Variants in ZC3H13 observed in about 807,000 individuals in gnomAD.
ZC3H13 encodes zinc finger CCCH domain-containing protein 13.
A neutral mutation model predicts 204.1 loss-of-function variants in ZC3H13; 64 were observed. That is an observed-to-expected ratio of 0.31 (90% CI 0.26 to 0.39). ZC3H13 has a LOEUF of 0.39. Ranked by LOEUF, ZC3H13 falls within the 10% of genes least tolerant of loss-of-function variation. ZC3H13 has a pLI of 1.00. For missense variants in ZC3H13, 1,833 were observed against 2,082.7 expected (o/e 0.88, Z 2.33); for synonymous variants, 667 against 693.7 (o/e 0.96, Z 0.60).
intron 8 of ZC3H13, among the ~76,000 whole-genome samples, chr13:45,999,463 A>G (rs1194134962): frequency 6.6e-6 from 1 of 152,216 alleles, no homozygotes; most frequent in Non-Finnish European, 1.5e-5. Context: ...TCAAGAAACC[A>G]CTTTCTTTGT....
At chr13:45,960,694 C>A (rs1430362245) in intron 17 of ZC3H13, among the ~76,000 whole-genome samples, 5 of 152,238 alleles carry the variant, frequency 3.3e-5, no homozygotes, top group Non-Finnish European at 5.9e-5. Context: ...AGTCAGTAAT[C>A]CAAATAAATA....
intron 8 of ZC3H13, among the ~76,000 whole-genome samples, chr13:45,991,860 T>C (rs1479674281): frequency 6.6e-6 from 1 of 152,174 alleles, no homozygotes; most frequent in East Asian, 1.9e-4. Flanking sequence ...GGAATGAGAA[T>C]ATTCAGGGTA....
intron 8 of ZC3H13, 148 bp from the exon 9 acceptor site, chr13:45,989,245 G>C: frequency 1.2e-6 from 1 of 854,478 alleles, no homozygotes; most frequent in Non-Finnish European, 1.8e-6. Flanking sequence ...AAAATTCTAA[G>C]TAAGTCACTT....
intron 1 of ZC3H13, among the ~76,000 whole-genome samples, chr13:46,046,537 G>A (rs1403691105): frequency 6.6e-6 from 1 of 150,826 alleles, no homozygotes; most frequent in African/African-American, 2.4e-5. Context: ...GCATGGTGGC[G>A]GGCGCCTGTA....
Position 45,969,702 on chromosome 13 carries a change from T to C in ZC3H13, c.2842A>G (p.Thr948Ala), listed in dbSNP as rs113626292. 2 of 1,613,696 alleles carry C rather than the reference T, an allele frequency of 1.2e-6. No homozygotes were observed. Among genetic ancestry groups the C allele is most frequent in the South Asian group, 1.1e-5 (1 of 91,018 alleles). Residue 948 changes from threonine (T) to alanine (A), a missense_variant, in exon 14 of 19, where the codon ACA becomes GCA. By Grantham distance (58) the Thr-to-Ala change is moderately conservative (BLOSUM62 0). Coordinates refer to ENST00000679008, the MANE Select transcript of ZC3H13 (RefSeq NM_001330564.2). The stretch of plus-strand genomic sequence containing the variant: ...TTTTCATCATGAGCTCGATCAGATG[T>C]CTCTCGATCTTCAGACTGGTGGTGT... ...IGHHQSEDRE[T>A]SDRAHDENKK...
At chr13:46,035,896 T>C (rs1274543759) in intron 4 of ZC3H13, among the ~76,000 whole-genome samples, 1 of 152,200 alleles carries the variant, frequency 6.6e-6, no homozygotes, top group Non-Finnish European at 1.5e-5. Flanking sequence ...GCAGGAGTCC[T>C]GCTAATTCTA....
intron 8 of ZC3H13, among the ~76,000 whole-genome samples, chr13:45,998,487 T>C (rs1210810284): frequency 1.3e-5 from 2 of 150,224 alleles, no homozygotes; most frequent in East Asian, 2.0e-4. Flanking sequence ...CTACTAAAAA[T>C]ACAAAAAAAA....
rs761931124 is a variant in ZC3H13, at chr13:45,967,570, T to C, written c.4255A>G (p.Lys1419Glu). 2 of 1,610,776 alleles carry C rather than the reference T, an allele frequency of 1.2e-6. No individual in the cohort carries two copies. The highest frequency in any genetic ancestry group is 1.3e-5 in the African/African-American group (1 of 74,812). Reference sequence around the variant, plus strand: ...AATCCCTGCACAGATCCCAGATCTTTATCCATTCTCTCTTTATCCAAGGCT... The same window carrying C: ...AATCCCTGCACAGATCCCAGATCTTCATCCATTCTCTCTTTATCCAAGGCT... ...SLALDKERMDKDLGSVQGFEE... is the reference protein window; with the variant it reads ...SLALDKERMDEDLGSVQGFEE... Residue 1419 changes from lysine (K) to glutamate (E), a missense_variant, in exon 15 of 19, where the codon AAA becomes GAA. Physicochemically the swap from Lys to Glu is moderately conservative, Grantham distance 56. Coordinates refer to ENST00000679008, the MANE Select transcript of ZC3H13 (RefSeq NM_001330564.2).
intron 8 of ZC3H13, among the ~76,000 whole-genome samples, chr13:46,001,880 C>T (rs911434728): frequency 3.3e-5 from 5 of 150,262 alleles, no homozygotes; most frequent in African/African-American, 1.2e-4. Flanking sequence ...TCTAAGAAAA[C>T]ATACTTAAGA....
At position 45,988,980 on chromosome 13, in the gene ZC3H13, A is replaced by G. The variant is rs970683119; in HGVS notation, c.1062T>C (p.Thr354=). The G allele has an allele frequency of 2.5e-6, 4 of 1,613,764 alleles. No individual in the cohort carries two copies. In the African/African-American group the frequency reaches 5.3e-5, roughly 22 times the overall value. Residue 354 remains threonine (T), a synonymous_variant, in exon 9 of 19, where the codon ACT becomes ACC. Coordinates refer to ENST00000679008, the MANE Select transcript of ZC3H13 (RefSeq NM_001330564.2). ...RHSPSPRRKR[T]PSPSYQRTLT... The stretch of plus-strand genomic sequence containing the variant: ...GTGTCCGCTGATAAGATGGTGAAGG[A>G]GTTCTTTTTCGACGAGGAGAAGGAG...
intron 4 of ZC3H13, among the ~76,000 whole-genome samples, chr13:46,036,105 A>G (rs138215789): frequency 1.7e-3 from 263 of 151,556 alleles, no homozygotes; most frequent in African/African-American, 5.9e-3. Context: ...TCATGTTTGC[A>G]TCATTGCACT....
intron 3 of ZC3H13, among the ~76,000 whole-genome samples, chr13:46,044,391 T>G (rs1183298813): frequency 6.6e-6 from 1 of 152,046 alleles, no homozygotes; most frequent in African/African-American, 2.4e-5. Context: ...AAAAGGTCTT[T>G]ATTAAGCAAG....
intron 5 of ZC3H13, among the ~76,000 whole-genome samples, chr13:46,019,043 T>C (rs1308281764): frequency 6.6e-6 from 1 of 152,166 alleles, no homozygotes; most frequent in Non-Finnish European, 1.5e-5. Flanking sequence ...GGTTGGATTA[T>C]GAAATCCTGA....
chr13:45,980,290 C>CA (rs1475176142), intron 10 of ZC3H13, among the ~76,000 whole-genome samples: 9 of 151,300 alleles, frequency 5.9e-5, no homozygotes, highest in African/African-American at 2.2e-4. Context: ...CCAAAAAAAA[C>CA]AAAAAATAAA....
intron 9 of ZC3H13, among the ~76,000 whole-genome samples, chr13:45,986,363 T>C (rs1954191978): frequency 6.6e-6 from 1 of 152,138 alleles, no homozygotes; most frequent in Non-Finnish European, 1.5e-5. Context: ...GAGGCTGAGG[T>C]AGGAAGATCA....
chr13:45,979,998 C>T lies in ZC3H13; in HGVS notation c.1727G>A (p.Arg576Gln), dbSNP rs773066011. 30 of 1,593,506 alleles carry T rather than the reference C, an allele frequency of 1.9e-5. No homozygotes were observed. Among genetic ancestry groups the T allele is most frequent in the Middle Eastern group, 1.7e-4 (1 of 5,966 alleles). The stretch of plus-strand genomic sequence containing the variant: ...ATCAATTTGAGAACCTCTTGAGCCT[C>T]GACTTCCTAAACAAAGGATAGACAC... Reference protein sequence around the residue: ...RVPELPEKGSRGSRGSQIDSH... With the variant: ...RVPELPEKGSQGSRGSQIDSH... Residue 576 changes from arginine to glutamine, a missense_variant, in exon 11 of 19, where the codon CGA (arginine) becomes CAA (glutamine). Physicochemically the swap from Arg to Gln is conservative, Grantham distance 43. Coordinates refer to ENST00000679008, the MANE Select transcript of ZC3H13 (RefSeq NM_001330564.2).
chr13:45,964,345 C>G (rs1414730767), intron 16 of ZC3H13, among the ~76,000 whole-genome samples: 1 of 152,162 alleles, frequency 6.6e-6, no homozygotes, highest in African/African-American at 2.4e-5. Flanking sequence ...CAGATTGGGT[C>G]TGATCTTTTG....
At chr13:46,003,437 C>T (rs1321956597) in intron 7 of ZC3H13, 101 bp from the exon 8 acceptor site, 4 of 1,129,580 alleles carry the variant, frequency 3.5e-6, no homozygotes, top group Admixed American at 2.9e-5. Context: ...ATTACTTGCC[C>T]TTTATTATTT....
chr13:45,992,487 T>C (rs2040034214), intron 8 of ZC3H13, among the ~76,000 whole-genome samples: 1 of 152,246 alleles, frequency 6.6e-6, no homozygotes, highest in Non-Finnish European at 1.5e-5. Flanking sequence ...GTTAATTTTA[T>C]GTGTCAACTT....
Sources: allele counts gnomAD v4.1 joint callset (sites outside exome capture counted in the v4.1 genomes callset), GRCh38; gene constraint gnomAD v4.1.1; transcripts MANE v1.5; gene names NCBI Gene and HGNC (gene_info 2026-07-23, HGNC 2026-07-21).